Variants in PNKP observed in about 807,000 individuals in gnomAD.
PNKP encodes the protein polynucleotide kinase 3'-phosphatase.
In PNKP, 82 loss-of-function variants were observed where a neutral mutation model predicts 66.2. That is an observed-to-expected ratio of 1.24 (90% CI 1.04 to 1.49). The LOEUF (loss-of-function observed/expected upper bound fraction) is 1.49. PNKP is among the 40% of genes most tolerant of loss of function. PNKP has a pLI of 0.00. For missense variants in PNKP, 907 were observed against 706.8 expected (o/e 1.28, Z -3.21); for synonymous variants, 412 against 298.9 (o/e 1.38, Z -3.90).
At chr19:49,863,587 AG>A in intron 8 of PNKP, 101 bp downstream of exon 8, 1 of 797,196 alleles carries the variant, frequency 1.3e-6, no homozygotes, top group Non-Finnish European at 2.2e-6. Context: ...GGAGCGAGAG[AG>A]GACAGAGGAG....
intron 7 of PNKP, 60 bp downstream of exon 7, chr19:49,863,904 A>C: frequency 6.8e-7 from 1 of 1,460,072 alleles, no homozygotes; most frequent in East Asian, 2.3e-5. Flanking sequence ...CTGGAGTCTA[A>C]AGCCCTCGCT....
chr19:49,862,755 T>TGAG lies in PNKP; in HGVS notation c.817-20_817-18dup. On this transcript the variant is annotated splice_polypyrimidine_tract_variant and intron_variant, in intron 8 of 16. Coordinates refer to ENST00000322344, the MANE Select transcript of PNKP (RefSeq NM_007254.4). Reference sequence around the variant, plus strand: ...GTCGTTGGCCTACGGGAGACGGTAGTGAGGAGGCCCTTCCCACAAATGTCC... The same window carrying TGAG: ...GTCGTTGGCCTACGGGAGACGGTAGTGAGGAGGAGGCCCTTCCCACAAATGTCC... 1 of 1,613,830 alleles carries TGAG rather than the reference T, an allele frequency of 6.2e-7. No homozygotes were observed.
rs776536622 is a variant in PNKP at position 49,862,124 on chromosome 19, C to T, written c.1127-19G>A. On this transcript the variant is annotated intron_variant, in intron 12 of 16. Transcript: ENST00000322344. ...TTCCCGGCTGTGTGGGGGGCAGTGT[C>T]GGTGGGTGGCCTAGGACCCAGGCGG... 3 of 1,614,090 alleles carry T rather than the reference C, an allele frequency of 1.9e-6. No individual in the cohort carries two copies. The highest frequency in any genetic ancestry group is 1.1e-5 in the South Asian group (1 of 91,074).
At position 49,864,230 on chromosome 19, in the gene PNKP, C is replaced by T. The variant is rs770100322; in HGVS notation, c.585G>A (p.Leu195=). The T allele has an allele frequency of 3.1e-6, 5 of 1,614,040 alleles. No homozygotes were observed. The African/African-American group carries it at 4.0e-5, about 13-fold the overall frequency. ...FPTGPSDWRI[L]YPEIPRKLRE... Reference sequence around the variant, plus strand: ...GGAGCTTACGGGGAATCTCTGGGTACAAGATCCTACGGCAGGTATGAAGCG... The same window carrying T: ...GGAGCTTACGGGGAATCTCTGGGTATAAGATCCTACGGCAGGTATGAAGCG... Residue 195 remains leucine, a synonymous_variant, in exon 6 of 17, where the codon TTG becomes TTA. Coordinates refer to ENST00000322344, the MANE Select transcript of PNKP (RefSeq NM_007254.4).
In PNKP at chr19:49,865,359, A is replaced by G. The variant is rs1398804952; in HGVS notation, c.266T>C (p.Val89Ala). 1.9e-6 allele frequency: 3 copies of G among 1,612,906 alleles called. No homozygotes were observed. The East Asian group carries it at 6.7e-5, about 36-fold the overall frequency. Residue 89 changes from valine (V) to alanine (A), a missense_variant, in exon 4 of 17, where the codon GTG (valine) becomes GCG (alanine). Val to Ala is a moderately conservative substitution (Grantham distance 64). Coordinates refer to ENST00000322344, the MANE Select transcript of PNKP (RefSeq NM_007254.4). Reference protein sequence around the residue: ...LKPGLEGSLGVGDTLYLVNGL... With the variant: ...LKPGLEGSLGAGDTLYLVNGL... Reference sequence around the variant, plus strand: ...ATTGACCAAATACAGTGTGTCCCCCACCCCCAGAGAGCCCTCCAACCCCGG... The same window carrying G: ...ATTGACCAAATACAGTGTGTCCCCCGCCCCCAGAGAGCCCTCCAACCCCGG...
In PNKP at chr19:49,867,506, A is replaced by G. The variant is rs554817911; in HGVS notation, c.-51T>C. On this transcript the variant is annotated 5_prime_UTR_variant, in exon 1 of 17. Coordinates refer to ENST00000322344, the MANE Select transcript of PNKP (RefSeq NM_007254.4). ...CTTGGGCTCACGGCCACTTCCGACC[A>G]GGGAGGTCCTGCCCGAGGTGCCCCG... 9.0e-6 allele frequency: 4 copies of G among 444,748 alleles called. No homozygotes were observed. The highest frequency in any genetic ancestry group is 7.7e-5 in the South Asian group (3 of 38,776). 27.6% of individuals were successfully genotyped at this position (444,748 alleles called of 1,614,324 possible).
At position 49,861,487 on chromosome 19, in the gene PNKP, AGAG is replaced by A. The variant is rs766972931; in HGVS notation, c.1407_1409del (p.Ser470del). The A allele has an allele frequency of 3.2e-6, 5 of 1,583,374 alleles. No homozygotes were observed. The East Asian group carries it at 1.2e-4, about 37-fold the overall frequency. On this transcript the variant is annotated inframe_deletion, in exon 16 of 17. Coordinates refer to ENST00000322344, the MANE Select transcript of PNKP (RefSeq NM_007254.4). ...TGACCATGTCTGACACGGGGATATG[AGAG>A]GAGTCCGTCATCTCTCGAAACTGTG...
intron 8 of PNKP, 170 bp from the exon 9 acceptor site, chr19:49,862,908 C>T (rs2074789440): frequency 1.4e-6 from 1 of 725,636 alleles, no homozygotes; most frequent in Non-Finnish European, 2.4e-6. Context: ...CCCCTCCCCC[C>T]TCCGTGGTCT....
rs150253619 is a variant in PNKP, at chr19:49,864,213, C to A, written c.602G>T (p.Arg201Leu). The A allele has an allele frequency of 6.2e-7, 1 of 1,614,146 alleles. No homozygotes were observed. Among genetic ancestry groups the A allele is most frequent in the Admixed American group, 1.7e-5 (1 of 60,022 alleles). ...CTCGGCTTCCAGCTCTCGGAGCTTA[C>A]GGGGAATCTCTGGGTACAAGATCCT... is the stretch of plus-strand genomic sequence containing the variant. ...DWRILYPEIP[R>L]KLRELEAEGY... Residue 201 changes from arginine (R) to leucine (L), a missense_variant, in exon 6 of 17, where the codon CGT (arginine) becomes CTT (leucine). By Grantham distance (102) the Arg-to-Leu change is moderately radical (BLOSUM62 -2). Transcript: ENST00000322344.
chr19:49,866,694 C>A, intron 2 of PNKP: 1 of 623,170 alleles, frequency 1.6e-6, no homozygotes, highest in Non-Finnish European at 2.9e-6. Context: ...AAAAATGTGG[C>A]TAGATATAGG....
chr19:49,862,326 G>T, intron 11 of PNKP, 45 bp from the exon 12 acceptor site: 1 of 1,536,354 alleles, frequency 6.5e-7, no homozygotes, highest in Non-Finnish European at 8.8e-7. Context: ...CCCCATCCCC[G>T]GGAGCCCTCC....
In PNKP at chr19:49,866,105, T is replaced by C. The variant is rs900168327; in HGVS notation, c.198+294A>G. ...ACTGCTCACTACACCCTTGACCTAC[T>C]GGGCTCAAGGGATCCTCCCGCTTCA... On this transcript the variant is annotated intron_variant, in intron 3 of 16. Coordinates refer to ENST00000322344, the MANE Select transcript of PNKP (RefSeq NM_007254.4). The C allele has an allele frequency of 1.1e-4, 51 of 459,308 alleles. No homozygotes were observed. The East Asian group carries it at 2.3e-3, about 21-fold the overall frequency. 28.5% of individuals were successfully genotyped at this position (459,308 alleles called of 1,614,324 possible).
rs758965167 is a variant in PNKP, at chr19:49,861,755, C to G, written c.1298+17G>C. ...CCACCCCGCCGCAGGCCACCTACGG[C>G]CCCGCGGTCACGCTACCTGGCGCGG... On this transcript the variant is annotated intron_variant, in intron 14 of 16. Transcript: ENST00000322344. 1.3e-6 allele frequency: 2 copies of G among 1,559,476 alleles called. No homozygotes were observed. The highest frequency in any genetic ancestry group is 2.4e-5 in the East Asian group (1 of 41,458).
In PNKP at chr19:49,864,254, C is replaced by T. The variant is rs199541652; in HGVS notation, c.579-18G>A. 60 of 1,613,858 alleles carry T rather than the reference C, an allele frequency of 3.7e-5. No individual in the cohort carries two copies. The highest frequency in any genetic ancestry group is 4.5e-5 in the Non-Finnish European group (53 of 1,179,906). Reference sequence around the variant, plus strand: ...ACAAGATCCTACGGCAGGTATGAAGCGGCAGGGGTGACCCGGGGCCAGAGG... The same window carrying T: ...ACAAGATCCTACGGCAGGTATGAAGTGGCAGGGGTGACCCGGGGCCAGAGG... On this transcript the variant is annotated intron_variant, in intron 5 of 16. Coordinates refer to ENST00000322344, the MANE Select transcript of PNKP (RefSeq NM_007254.4).
chr19:49,862,844 T>TC, intron 8 of PNKP, 106 bp from the exon 9 acceptor site: 1 of 1,210,672 alleles, frequency 8.3e-7, no homozygotes, highest in Non-Finnish European at 1.2e-6. Context: ...TCAGGAATCA[T>TC]CCCCCGACCT....
Position 49,862,747 on chromosome 19 carries a change from G to A in PNKP, c.817-9C>T. 1 of 1,614,048 alleles carries A rather than the reference G, an allele frequency of 6.2e-7. No individual in the cohort carries two copies. The highest frequency in any genetic ancestry group is 8.5e-7 in the Non-Finnish European group (1 of 1,179,940). On this transcript the variant is annotated splice_polypyrimidine_tract_variant and intron_variant, in intron 8 of 16. Coordinates refer to ENST00000322344, the MANE Select transcript of PNKP (RefSeq NM_007254.4). ...GGCGTGCCGTCGTTGGCCTACGGGA[G>A]ACGGTAGTGAGGAGGCCCTTCCCAC...
In PNKP at chr19:49,862,551, CAGG is replaced by C. The variant is rs886042225; in HGVS notation, c.920_922del (p.Ser307del). On this transcript the variant is annotated inframe_deletion, in exon 10 of 17. Coordinates refer to ENST00000322344, the MANE Select transcript of PNKP (RefSeq NM_007254.4). ...CAGGGGCCTCACCAGGCGATCGGCG[CAGG>C]AGAAGTCTTTCTTCTTCCGCCCCGG... The C allele has an allele frequency of 2.0e-5, 32 of 1,611,494 alleles. No individual in the cohort carries two copies. The highest frequency in any genetic ancestry group is 1.0e-4 in the Admixed American group (6 of 59,720).
At chr19:49,866,480 C>G (rs1468064172) in intron 2 of PNKP, 35 bp from the exon 3 acceptor site, 3 of 1,609,306 alleles carry the variant, frequency 1.9e-6, no homozygotes, top group Non-Finnish European at 2.6e-6. Context: ...GGATTTGCAT[C>G]CTTGTGTGAT....
At chr19:49,865,573 G>A in intron 3 of PNKP, 147 bp from the exon 4 acceptor site, 2 of 609,014 alleles carry the variant, frequency 3.3e-6, no homozygotes, top group South Asian at 2.0e-5. Flanking sequence ...GCTTTGGAAC[G>A]GTTACAGGTT....
Sources: gnomAD v4.1 joint callset for allele counts on GRCh38, gnomAD v4.1.1 for gene constraint, MANE v1.5 for transcripts, NCBI Gene and HGNC (gene_info 2026-07-23, HGNC 2026-07-21) for gene names.